AUTS2: variants seen among roughly 807,000 people sequenced by gnomAD.
AUTS2 encodes activator of transcription and developmental regulator AUTS2.
A neutral mutation model predicts 112.4 loss-of-function variants in AUTS2; 17 were observed. That is an observed-to-expected ratio of 0.15 (90% CI 0.10 to 0.23). AUTS2 has a LOEUF of 0.23. Ranked by LOEUF, AUTS2 falls within the 10% of genes least tolerant of loss-of-function variation. The probability of loss-of-function intolerance (pLI) is 1.00; values close to 1 mark genes in which losing one functional copy is unlikely to be tolerated. For synonymous variants in AUTS2, 751 were observed against 702.7 expected, an observed-to-expected ratio of 1.07 and a Z score of -1.09; for missense variants, 1,510 against 1,701.6, an observed-to-expected ratio of 0.89 and a Z score of 1.98.
chr7:70,259,778 A>T (rs1431838175), intron 4 of AUTS2, among the ~76,000 whole-genome samples: 1 of 152,216 alleles, frequency 6.6e-6, no homozygotes, highest in African/African-American at 2.4e-5. Flanking sequence ...GATCATTTGG[A>T]ACTCTTGCTT....
intron 5 of AUTS2, among the ~76,000 whole-genome samples, chr7:70,519,972 C>T (rs943503802): frequency 6.6e-6 from 1 of 152,068 alleles, no homozygotes; most frequent in South Asian, 2.1e-4. Context: ...TTTAAGTGTG[C>T]AATTCAATTA....
At chr7:70,559,989 CCTGCCTACTGCTCTGACTTCGT>C (rs1348769522) in intron 5 of AUTS2, among the ~76,000 whole-genome samples, 1 of 152,216 alleles carries the variant, frequency 6.6e-6, no homozygotes, top group African/African-American at 2.4e-5. Flanking sequence ...CTGCTGTGAG[CCTGCCTACTGCTCTGACTTCGT>C]CTCCCACTAC....
chr7:70,045,463 G>A (rs1801458801), intron 2 of AUTS2, among the ~76,000 whole-genome samples: 1 of 151,732 alleles, frequency 6.6e-6, no homozygotes, highest in Non-Finnish European at 1.5e-5. Context: ...GATACATTGG[G>A]TTACATAAAC....
intron 4 of AUTS2, among the ~76,000 whole-genome samples, chr7:70,240,899 A>C (rs1476330087): frequency 6.6e-6 from 1 of 152,210 alleles, no homozygotes; most frequent in Non-Finnish European, 1.5e-5. Flanking sequence ...GCTTAGAAGA[A>C]AGCAACTCCA....
chr7:69,674,054 C>T (rs778639437), intron 1 of AUTS2, among the ~76,000 whole-genome samples: 2 of 152,190 alleles, frequency 1.3e-5, no homozygotes, highest in Admixed American at 6.5e-5. Context: ...AAGTCTTGCT[C>T]CTGTTTTGCA....
chr7:70,589,519 G>A (rs537047709), intron 5 of AUTS2, among the ~76,000 whole-genome samples: 3 of 152,304 alleles, frequency 2.0e-5, no homozygotes, highest in Admixed American at 1.3e-4. Context: ...TTTGAGACCA[G>A]CCTAGCCAAC....
intron 5 of AUTS2, among the ~76,000 whole-genome samples, chr7:70,589,621 G>A (rs962178534): frequency 6.6e-6 from 1 of 152,184 alleles, no homozygotes; most frequent in Non-Finnish European, 1.5e-5. Context: ...GGCTGAGGCA[G>A]GAGAATAGCT....
chr7:70,519,487 A>G (rs1463678616), intron 5 of AUTS2, among the ~76,000 whole-genome samples: 1 of 152,220 alleles, frequency 6.6e-6, no homozygotes, highest in Non-Finnish European at 1.5e-5. Context: ...CACAAAATGA[A>G]TAGAAGTTAT....
chr7:70,032,634 A>G (rs1320299918), intron 2 of AUTS2, among the ~76,000 whole-genome samples: 3 of 152,126 alleles, frequency 2.0e-5, no homozygotes, highest in East Asian at 3.8e-4. Context: ...TACACATATC[A>G]TTTATGTCCT....
At chr7:70,181,652 A>G (rs928053177) in intron 4 of AUTS2, among the ~76,000 whole-genome samples, 5 of 151,098 alleles carry the variant, frequency 3.3e-5, no homozygotes, top group Admixed American at 1.3e-4. Flanking sequence ...ACACCCAGCT[A>G]ATTTTTTTGT....
intron 5 of AUTS2, among the ~76,000 whole-genome samples, chr7:70,592,063 T>C (rs560345393): frequency 6.6e-6 from 1 of 152,348 alleles, no homozygotes; most frequent in South Asian, 2.1e-4. Flanking sequence ...TAGAAAGTTA[T>C]GCTGTTATAA....
chr7:70,256,398 G>A (rs549006571), intron 4 of AUTS2, among the ~76,000 whole-genome samples: 2 of 152,142 alleles, frequency 1.3e-5, no homozygotes, highest in African/African-American at 2.4e-5. Flanking sequence ...TGGTGGTGTC[G>A]CCCACTTCAT....
intron 4 of AUTS2, among the ~76,000 whole-genome samples, chr7:70,164,363 T>A (rs1808271840): frequency 6.6e-6 from 1 of 152,202 alleles, no homozygotes; most frequent in Non-Finnish European, 1.5e-5. Context: ...GATCTTTTTC[T>A]GTTGTAGTAT....
intron 1 of AUTS2, among the ~76,000 whole-genome samples, chr7:69,852,424 C>G (rs982528395): frequency 6.6e-6 from 1 of 151,420 alleles, no homozygotes; most frequent in African/African-American, 2.4e-5. Context: ...AAAGTGTCTG[C>G]TTTCCCTGTT....
chr7:70,333,067 G>A (rs1294564025), intron 4 of AUTS2, among the ~76,000 whole-genome samples: 1 of 152,170 alleles, frequency 6.6e-6, no homozygotes, highest in Non-Finnish European at 1.5e-5. Flanking sequence ...CTATCCATCT[G>A]ACAAAGAGCT....
In AUTS2 at chr7:70,412,718, C is replaced by T. The variant is rs79082405; in HGVS notation, c.661-23034C>T. ...ATTAAAATAATATAATTTGGCTGGG[C>T]GCAGTGGATCACACTTGTAATCCCA... On this transcript the variant is annotated intron_variant, in intron 4 of 18. Coordinates refer to ENST00000342771, the MANE Select transcript of AUTS2 (RefSeq NM_015570.4). 7.1e-3 allele frequency among the ~76,000 whole-genome samples: 1,080 copies of T among 152,260 alleles called. 11 individuals are homozygous for T. The highest frequency in any genetic ancestry group is 0.025 in the African/African-American group (1,037 of 41,542).
intron 4 of AUTS2, among the ~76,000 whole-genome samples, chr7:70,297,525 G>T (rs140258750): frequency 7.7e-4 from 117 of 151,728 alleles, no homozygotes; most frequent in African/African-American, 2.6e-3. Context: ...TGCCTCCCGG[G>T]TTCACGCCAT....
At chr7:70,391,034 A>T (rs1793830380) in intron 4 of AUTS2, among the ~76,000 whole-genome samples, 1 of 152,194 alleles carries the variant, frequency 6.6e-6, no homozygotes, top group Non-Finnish European at 1.5e-5. Context: ...CAGTTTTCTC[A>T]GCCTTGTCTG....
At chr7:70,338,092 T>C (rs1791078710) in intron 4 of AUTS2, among the ~76,000 whole-genome samples, 1 of 152,240 alleles carries the variant, frequency 6.6e-6, no homozygotes, top group Non-Finnish European at 1.5e-5. Context: ...CCAGTAATCT[T>C]CTTTAATTGC....
Sources: allele counts gnomAD v4.1 joint callset (sites outside exome capture counted in the v4.1 genomes callset), GRCh38; gene constraint gnomAD v4.1.1; transcripts MANE v1.5; gene names NCBI Gene and HGNC (gene_info 2026-07-23, HGNC 2026-07-21).